Variants in CRB1 observed in about 807,000 individuals in gnomAD.
The protein encoded by CRB1 is protein crumbs homolog 1.
In CRB1, 83 loss-of-function variants were observed where a neutral mutation model predicts 120.0. That is an observed-to-expected ratio of 0.69 (90% CI 0.58 to 0.83). CRB1 has a LOEUF of 0.83. CRB1 is among the 40% of genes least tolerant of loss of function. The pLI, the probability that CRB1 is intolerant of heterozygous loss-of-function variation, is 0.00. For synonymous variants in CRB1, 625 were observed against 612.5 expected (o/e 1.02, Z -0.30); for missense variants, 1,699 against 1,687.6 (o/e 1.01, Z -0.12).
At chr1:197,322,426 G>A (rs1658254159) in intron 1 of CRB1, among the ~76,000 whole-genome samples, 1 of 151,620 alleles carries the variant, frequency 6.6e-6, no homozygotes, top group African/African-American at 2.4e-5. Flanking sequence ...TCGCACCACT[G>A]CACTCCAGCC....
intron 1 of CRB1, among the ~76,000 whole-genome samples, chr1:197,327,114 A>AC (rs1658553408): frequency 7.5e-6 from 1 of 133,900 alleles, no homozygotes; most frequent in African/African-American, 2.5e-5. Flanking sequence ...AAAAAAAAAA[A>AC]AAAAAAAAAA....
intron 1 of CRB1, among the ~76,000 whole-genome samples, chr1:197,291,659 G>A (rs545385899): frequency 1.3e-5 from 2 of 151,744 alleles, no homozygotes; most frequent in Non-Finnish European, 2.9e-5. Context: ...TGTCTTTTCA[G>A]TTTCCAGAGT....
intron 1 of CRB1, among the ~76,000 whole-genome samples, chr1:197,283,007 A>T (rs943156943): frequency 6.6e-6 from 1 of 151,914 alleles, no homozygotes; most frequent in Non-Finnish European, 1.5e-5. Flanking sequence ...TGTATGGAAG[A>T]TGAGCAATCA....
chr1:197,379,605 C>CAAAAAAAAA (rs75820081), intron 5 of CRB1, among the ~76,000 whole-genome samples: 1 of 74,384 alleles, frequency 1.3e-5, no homozygotes. Flanking sequence ...CGGCCCCGGC[C>CAAAAAAAAA]AAAAAAAAAA....
At chr1:197,335,801 T>A (rs1338092907) in intron 2 of CRB1, among the ~76,000 whole-genome samples, 1 of 152,198 alleles carries the variant, frequency 6.6e-6, no homozygotes, top group Non-Finnish European at 1.5e-5. Context: ...CCGGCCCCTA[T>A]CAAGTTTTAA....
intron 5 of CRB1, among the ~76,000 whole-genome samples, chr1:197,365,202 A>G (rs1180287413): frequency 6.6e-6 from 1 of 152,188 alleles, no homozygotes; most frequent in African/African-American, 2.4e-5. Flanking sequence ...GTGTTTCCTT[A>G]GGTGAGAATG....
intron 1 of CRB1, among the ~76,000 whole-genome samples, chr1:197,318,269 G>T (rs1657973570): frequency 6.6e-6 from 1 of 152,136 alleles, no homozygotes; most frequent in African/African-American, 2.4e-5. Flanking sequence ...AATCATCAGG[G>T]AAAGGCAAAT....
chr1:197,210,984 T>A, the CRB1 span, among the ~76,000 whole-genome samples: 1 of 152,212 alleles, frequency 6.6e-6, no homozygotes, highest in South Asian at 2.1e-4. Flanking sequence ...AACAAATACT[T>A]TGTACCAGAA....
At position 197,442,301 on chromosome 1, in the gene CRB1, C is replaced by T; in HGVS notation, c.4005+9C>T. 1 of 1,614,150 alleles carries T rather than the reference C, an allele frequency of 6.2e-7. No homozygotes were observed. The highest frequency in any genetic ancestry group is 8.5e-7 in the Non-Finnish European group (1 of 1,180,028). On this transcript the variant is annotated intron_variant, in intron 11 of 11. Coordinates refer to ENST00000367400, the MANE Select transcript of CRB1 (RefSeq NM_201253.3). ...AGCGCTGCGAGGTGGACGTAAGCAG[C>T]CTCTCCTTTTATGTCTCTCTCTTAT...
the CRB1 span, among the ~76,000 whole-genome samples, chr1:197,220,555 G>C: frequency 6.6e-6 from 1 of 152,156 alleles, no homozygotes; most frequent in African/African-American, 2.4e-5. Flanking sequence ...TAACTATTGC[G>C]TTTGCTTTCT....
chr1:197,259,729 C>T, the CRB1 span, among the ~76,000 whole-genome samples: 2 of 152,036 alleles, frequency 1.3e-5, no homozygotes, highest in South Asian at 4.1e-4. Flanking sequence ...TAAATTATCC[C>T]CTCATTAACT....
intron 5 of CRB1, among the ~76,000 whole-genome samples, chr1:197,361,971 A>T (rs1318371299): frequency 4.6e-5 from 7 of 151,922 alleles, no homozygotes. Flanking sequence ...ATATATAAGC[A>T]TTATAAATTT....
At chr1:197,234,332 T>C in the CRB1 span, among the ~76,000 whole-genome samples, 1 of 152,170 alleles carries the variant, frequency 6.6e-6, no homozygotes, top group Non-Finnish European at 1.5e-5. Context: ...TGTATAGCTT[T>C]CTCTGGGAGA....
At chr1:197,464,007 A>G (rs1298544263) in intron 11 of CRB1, among the ~76,000 whole-genome samples, 1 of 152,224 alleles carries the variant, frequency 6.6e-6, no homozygotes, top group Non-Finnish European at 1.5e-5. Flanking sequence ...AACATTTAAT[A>G]GAAGACCAAC....
chr1:197,314,702 G>T (rs1231769067), intron 1 of CRB1, among the ~76,000 whole-genome samples: 1 of 151,990 alleles, frequency 6.6e-6, no homozygotes, highest in Non-Finnish European at 1.5e-5. Flanking sequence ...TGAATGTATG[G>T]CATCTTTCTT....
intron 11 of CRB1, among the ~76,000 whole-genome samples, chr1:197,467,850 A>G (rs1666816923): frequency 6.6e-6 from 1 of 152,228 alleles, no homozygotes; most frequent in Non-Finnish European, 1.5e-5. Context: ...TCATCAGCCT[A>G]GGAAAGGACC....
intron 11 of CRB1, among the ~76,000 whole-genome samples, chr1:197,459,371 C>T (rs548527605): frequency 6.6e-6 from 1 of 152,164 alleles, no homozygotes; most frequent in Non-Finnish European, 1.5e-5. Context: ...AACAAAATGC[C>T]ATTGACTGGG....
intron 11 of CRB1, chr1:197,443,190 A>G (rs930642304): frequency 4.0e-5 from 6 of 151,848 alleles, no homozygotes; most frequent in African/African-American, 1.2e-4. Flanking sequence ...ATGTTTTTAC[A>G]TGAAGCTATT....
At chr1:197,404,495 AGTCACCATTTCTGTTGCTACTTTCTT>A (rs1179693157) in intron 5 of CRB1, among the ~76,000 whole-genome samples, 1 of 148,880 alleles carries the variant, frequency 6.7e-6, no homozygotes, top group Non-Finnish European at 1.5e-5. Context: ...AGATGACGTT[AGTCACCATTTCTGTTGCTACTTTCTT>A]GTTTCACACT....
Sources: allele counts gnomAD v4.1 joint callset (sites outside exome capture counted in the v4.1 genomes callset), GRCh38; gene constraint gnomAD v4.1.1; transcripts MANE v1.5; gene names NCBI Gene and HGNC (gene_info 2026-07-23, HGNC 2026-07-21).